The following CEP85L variants were observed in gnomAD, a reference collection of about 807,000 sequenced individuals.
The protein encoded by CEP85L is centrosomal protein of 85 kDa-like.
Under a neutral mutation model 100.3 loss-of-function variants are expected in CEP85L, and 60 were observed. That is an observed-to-expected ratio of 0.60 (90% CI 0.49 to 0.74). The LOEUF (loss-of-function observed/expected upper bound fraction) is 0.74, where lower values mean the gene tolerates loss of function less well. Among genes scored for constraint, CEP85L ranks in the 30% least tolerant of loss-of-function variants. The pLI is 0.00. For synonymous variants in CEP85L, 319 were observed against 322.7 expected (o/e 0.99, Z 0.12); for missense variants, 973 against 936.2 (o/e 1.04, Z -0.51).
chr6:118,653,592 A>G (rs983611066), upstream of CEP85L, among the ~76,000 whole-genome samples: 2 of 152,198 alleles, frequency 1.3e-5, no homozygotes, highest in Non-Finnish European at 2.9e-5. Flanking sequence ...ACTAAACCCC[A>G]TGTGGTAAAC....
chr6:118,690,546 C>T (rs1777002387), intron 1 of CEP85L, among the ~76,000 whole-genome samples: 1 of 89,482 alleles, frequency 1.1e-5, no homozygotes, highest in African/African-American at 4.1e-5. Flanking sequence ...GGGAGCCACA[C>T]TGGCCCAACC....
At chr6:118,706,307 A>G (rs1777591484) in intron 1 of CEP85L, among the ~76,000 whole-genome samples, 1 of 152,180 alleles carries the variant, frequency 6.6e-6, no homozygotes, top group African/African-American at 2.4e-5. Flanking sequence ...CACTATCCTG[A>G]AATGCAGATG....
chr6:118,703,359 G>T (rs192725205), intron 1 of CEP85L, among the ~76,000 whole-genome samples: 3 of 152,112 alleles, frequency 2.0e-5, no homozygotes. Context: ...ATTTTACTGG[G>T]ATTTGAAGTG....
intron 3 of CEP85L, among the ~76,000 whole-genome samples, chr6:118,538,160 A>C (rs967773045): frequency 1.3e-5 from 2 of 152,074 alleles, no homozygotes; most frequent in Admixed American, 6.6e-5. Context: ...ACAACAACAA[A>C]AAAACCATTC....
Position 118,651,233 on chromosome 6 carries a change from G to C in CEP85L, c.37C>G (p.Arg13Gly). The change falls in exon 1 of 13, where the codon CGG becomes GGG. Residue 13 changes from arginine (R) to glycine (G), a missense_variant. By Grantham distance (125) the Arg-to-Gly change is moderately radical. This residue lies in a region of CEP85L where 79 missense variants were observed against 73.3 expected (regional missense o/e 1.08). Transcript: ENST00000368491. ...CTGCGGGCTCCGCCGGGGCTATCCCGGCCGCTGGCCTCCGGAGCCAGGAAG... is the reference window on the plus strand; with the variant it reads ...CTGCGGGCTCCGCCGGGGCTATCCCCGCCGCTGGCCTCCGGAGCCAGGAAG... ...GRFLAPEASGRDSPGGARSFP... is the reference protein window; with the variant it reads ...GRFLAPEASGGDSPGGARSFP... The C allele has an allele frequency of 6.7e-7, 1 of 1,495,574 alleles. No individual in the cohort carries two copies. The highest frequency in any genetic ancestry group is 8.9e-7 in the Non-Finnish European group (1 of 1,128,794). 92.6% of individuals were successfully genotyped at this position (1,495,574 alleles called of 1,614,324 possible). A position where few individuals can be genotyped will look rare whatever the true frequency, so the allele number is the denominator to read the frequency against.
chr6:118,519,429 ACT>A (rs1776483335), intron 4 of CEP85L, among the ~76,000 whole-genome samples: 5 of 100,230 alleles, frequency 5.0e-5, no homozygotes, highest in East Asian at 4.0e-4. Context: ...ACAGAGCAAA[ACT>A]CTGTGTGTGT....
chr6:118,626,221 T>G (rs1773784200), intron 2 of CEP85L, among the ~76,000 whole-genome samples: 1 of 152,194 alleles, frequency 6.6e-6, no homozygotes, highest in African/African-American at 2.4e-5. Flanking sequence ...ACTGAGGATA[T>G]ATGCTTAAAA....
intron 1 of CEP85L, among the ~76,000 whole-genome samples, chr6:118,646,165 C>T (rs796073773): frequency 2.0e-4 from 15 of 74,440 alleles, no homozygotes; most frequent in Admixed American, 6.1e-4. Context: ...TGCAGTGAGC[C>T]GAGATTGCGC....
At chr6:118,567,889 G>A (rs1259043185) in intron 2 of CEP85L, among the ~76,000 whole-genome samples, 2 of 152,202 alleles carry the variant, frequency 1.3e-5, no homozygotes, top group African/African-American at 2.4e-5. Context: ...AAGTATTGTA[G>A]TGGATAGTTA....
intron 2 of CEP85L, among the ~76,000 whole-genome samples, chr6:118,577,755 G>T (rs1780327384): frequency 1.3e-5 from 2 of 152,108 alleles, no homozygotes; most frequent in Admixed American, 6.5e-5. Flanking sequence ...CCTAGCAAAT[G>T]AATTAGCCAA....
At chr6:118,589,667 T>C (rs944272645) in intron 2 of CEP85L, 2 of 287,042 alleles carry the variant, frequency 7.0e-6, no homozygotes, top group South Asian at 8.7e-5. Flanking sequence ...TGCAAGCCCA[T>C]GATGAGAAGC....
Position 118,506,598 on chromosome 6 carries a change from C to T in CEP85L, c.1257+4700G>A, listed in dbSNP as rs563342879. On this transcript the variant is annotated intron_variant, in intron 5 of 12. Transcript: ENST00000368491. ...TTCACCATATTCTAACTCCCCTTGC[C>T]TGGGGAGTTGGTGGGGGAAAGCACT... Among the ~76,000 whole-genome samples the T allele has an allele frequency of 2.0e-5, 3 of 152,256 alleles. No homozygotes were observed. The South Asian group carries it at 6.2e-4, about 32-fold the overall frequency.
Position 118,555,702 on chromosome 6 carries a change from C to T in CEP85L, c.1020+9827G>A, listed in dbSNP as rs1056623179. On this transcript the variant is annotated intron_variant, in intron 3 of 12. Transcript: ENST00000368491. ...GGGGTATGTGTGAAGGTTTGTTACA[C>T]AGGTAAACACATGTCATGGGGAGCT... is the stretch of plus-strand genomic sequence containing the variant. 7.2e-5 allele frequency among the ~76,000 whole-genome samples: 11 copies of T among 152,092 alleles called. No homozygotes were observed. In the South Asian group the frequency reaches 2.3e-3, roughly 32 times the overall value.
intron 3 of CEP85L, among the ~76,000 whole-genome samples, chr6:118,540,779 T>C (rs1475511551): frequency 6.6e-6 from 1 of 151,518 alleles, no homozygotes; most frequent in East Asian, 1.9e-4. Context: ...AATAAATAAA[T>C]AAATAAATAA....
At chr6:118,637,279 T>A (rs767996313) in intron 1 of CEP85L, among the ~76,000 whole-genome samples, 2 of 152,212 alleles carry the variant, frequency 1.3e-5, no homozygotes, top group African/African-American at 4.8e-5. Flanking sequence ...CTTAGAGCCT[T>A]TTTATTTAGC....
chr6:118,585,605 A>T (rs2115095461), intron 2 of CEP85L, among the ~76,000 whole-genome samples: 1 of 152,348 alleles, frequency 6.6e-6, no homozygotes. Context: ...GGCTACAGTC[A>T]CAAGATGGCA....
chr6:118,491,328 G>C lies in CEP85L; in HGVS notation c.1437+358C>G, dbSNP rs142239055. On this transcript the variant is annotated intron_variant, in intron 6 of 12. Transcript: ENST00000368491. ...GGGCTTCAGTTTAATAACTTAAGTT[G>C]CATCATTATTAAAGATAGGCCAGCT... 2.7e-5 allele frequency: 8 copies of C among 297,104 alleles called. No homozygotes were observed. In the East Asian group the frequency reaches 9.8e-4, roughly 36 times the overall value. 18.4% of individuals were successfully genotyped at this position (297,104 alleles called of 1,614,324 possible).
chr6:118,599,600 T>C (rs1188666419), intron 2 of CEP85L, among the ~76,000 whole-genome samples: 1 of 152,118 alleles, frequency 6.6e-6, no homozygotes, highest in African/African-American at 2.4e-5. Context: ...TTCCAAAAAA[T>C]AGAGTATGAT....
intron 1 of CEP85L, among the ~76,000 whole-genome samples, chr6:118,659,154 T>G (rs1775889227): frequency 6.6e-6 from 1 of 152,136 alleles, no homozygotes; most frequent in Non-Finnish European, 1.5e-5. Flanking sequence ...GTTACTACAA[T>G]GAAAACACAA....
Sources: gnomAD v4.1 joint callset for allele counts (sites outside exome capture counted in the v4.1 genomes callset) on GRCh38, gnomAD v4.1.1 for gene constraint, gnomAD v4.1.1 regional missense constraint, MANE v1.5 for transcripts, NCBI Gene and HGNC (gene_info 2026-07-23, HGNC 2026-07-21) for gene names.